Variants in ST6GALNAC3 observed in about 807,000 individuals in gnomAD.
ST6GALNAC3 encodes alpha-N-acetylgalactosaminide alpha-2,6-sialyltransferase 3.
Under a neutral mutation model 32.7 loss-of-function variants are expected in ST6GALNAC3, and 25 were observed. The ratio of observed to expected loss-of-function variants is 0.76; its 90% CI spans 0.56 to 1.07. The LOEUF is 1.07. ST6GALNAC3 is among the 50% of genes least tolerant of loss of function. ST6GALNAC3 has a pLI of 0.00. For missense variants in ST6GALNAC3, 355 were observed against 382.4 expected (o/e 0.93, Z 0.60); for synonymous variants, 129 against 133.1 (o/e 0.97, Z 0.21).
In ST6GALNAC3 at chr1:76,279,629, G is replaced by T. The variant is rs141896746; in HGVS notation, c.19-34176G>T. On this transcript the variant is annotated intron_variant, in intron 1 of 4. Transcript: ENST00000328299. ...GCAGCACTTGAGCTGGTTCAGAGCT[G>T]CAGTGCCTGGAGTCGTGTCTGCCGG... is the stretch of plus-strand genomic sequence containing the variant. Among the ~76,000 whole-genome samples the T allele has an allele frequency of 4.2e-3, 640 of 152,314 alleles. 3 individuals are homozygous for T. Among genetic ancestry groups the T allele is most frequent in the African/African-American group, 0.014 (595 of 41,578 alleles).
chr1:76,407,453 A>G (rs1653913843), intron 2 of ST6GALNAC3, among the ~76,000 whole-genome samples: 1 of 152,056 alleles, frequency 6.6e-6, no homozygotes, highest in Admixed American at 6.6e-5. Flanking sequence ...TGCTGTTACC[A>G]TAAAAGAAAA....
chr1:76,556,873 A>G (rs1664958810), intron 3 of ST6GALNAC3, among the ~76,000 whole-genome samples: 1 of 151,984 alleles, frequency 6.6e-6, no homozygotes, highest in Non-Finnish European at 1.5e-5. Flanking sequence ...TTTAATTTTG[A>G]TAAATCCAAT....
chr1:76,540,792 T>G (rs1326657296), intron 3 of ST6GALNAC3, among the ~76,000 whole-genome samples: 1 of 152,204 alleles, frequency 6.6e-6, no homozygotes, highest in Non-Finnish European at 1.5e-5. Flanking sequence ...TTTTATTCAA[T>G]ACAAATCACA....
intron 1 of ST6GALNAC3, among the ~76,000 whole-genome samples, chr1:76,111,342 A>G (rs1451388224): frequency 2.0e-5 from 3 of 152,148 alleles, no homozygotes; most frequent in Non-Finnish European, 2.9e-5. Context: ...AGAGGTTTGC[A>G]TCTCCACTGG....
chr1:76,479,956 C>T (rs998004824), intron 3 of ST6GALNAC3, among the ~76,000 whole-genome samples: 1 of 151,960 alleles, frequency 6.6e-6, no homozygotes, highest in Non-Finnish European at 1.5e-5. Flanking sequence ...AAAATATGTA[C>T]ATTTTTTAAA....
chr1:76,242,603 C>T (rs1657032370), intron 1 of ST6GALNAC3, among the ~76,000 whole-genome samples: 1 of 152,144 alleles, frequency 6.6e-6, no homozygotes, highest in Non-Finnish European at 1.5e-5. Context: ...TCTCCCTCCC[C>T]TTTCCCCTCA....
At chr1:76,253,999 C>G (rs1407489974) in intron 1 of ST6GALNAC3, among the ~76,000 whole-genome samples, 1 of 152,106 alleles carries the variant, frequency 6.6e-6, no homozygotes, top group Non-Finnish European at 1.5e-5. Context: ...TAGAAGCCCT[C>G]TGTGAATGAA....
intron 1 of ST6GALNAC3, among the ~76,000 whole-genome samples, chr1:76,220,354 AG>A (rs1655698466): frequency 6.6e-6 from 1 of 152,218 alleles, no homozygotes; most frequent in African/African-American, 2.4e-5. Context: ...CTTTGCTTAC[AG>A]TTCTTTTTTA....
intron 3 of ST6GALNAC3, among the ~76,000 whole-genome samples, chr1:76,511,536 C>T (rs1661862673): frequency 6.6e-6 from 1 of 152,198 alleles, no homozygotes; most frequent in Non-Finnish European, 1.5e-5. Context: ...TGCCTCTGTT[C>T]TCCCCGGTAG....
chr1:76,095,379 G>A (rs1387607577), intron 1 of ST6GALNAC3, among the ~76,000 whole-genome samples: 1 of 152,100 alleles, frequency 6.6e-6, no homozygotes, highest in Admixed American at 6.5e-5. Context: ...GCAACTTTAT[G>A]TATTATAGCA....
intron 1 of ST6GALNAC3, among the ~76,000 whole-genome samples, chr1:76,093,463 C>A (rs974840722): frequency 1.3e-5 from 2 of 152,194 alleles, no homozygotes; most frequent in African/African-American, 4.8e-5. Context: ...TGCCCAAGTT[C>A]CATCTCTCAG....
At chr1:76,458,106 T>G (rs1321889842) in intron 3 of ST6GALNAC3, among the ~76,000 whole-genome samples, 1 of 148,352 alleles carries the variant, frequency 6.7e-6, no homozygotes. Flanking sequence ...AAAGAAGATA[T>G]TTATGCAGCC....
chr1:76,123,378 CAAA>C (rs869281587), intron 1 of ST6GALNAC3, among the ~76,000 whole-genome samples: 3,381 of 63,366 alleles, frequency 0.053, 97 homozygotes, highest in Admixed American at 0.15. Flanking sequence ...GGCTCCATCT[CAAA>C]AAAAAAAAAA....
At chr1:76,303,983 C>T (rs1035738261) in intron 1 of ST6GALNAC3, among the ~76,000 whole-genome samples, 12 of 147,872 alleles carry the variant, frequency 8.1e-5, no homozygotes, top group African/African-American at 2.8e-4. Context: ...TTCCCCACCA[C>T]ATTCACCTCA....
intron 1 of ST6GALNAC3, among the ~76,000 whole-genome samples, chr1:76,298,694 GT>G (rs1660554004): frequency 6.6e-6 from 1 of 151,972 alleles, no homozygotes; most frequent in Non-Finnish European, 1.5e-5. Context: ...AGTCCCTAAC[GT>G]ATTTTGATTT....
intron 2 of ST6GALNAC3, among the ~76,000 whole-genome samples, chr1:76,368,614 AAC>A (rs1650574255): frequency 6.6e-6 from 1 of 152,078 alleles, no homozygotes; most frequent in African/African-American, 2.4e-5. Flanking sequence ...CCTGGCACCT[AAC>A]ACACAATGCC....
At chr1:76,621,674 G>A (rs973961141) in intron 3 of ST6GALNAC3, among the ~76,000 whole-genome samples, 4 of 151,984 alleles carry the variant, frequency 2.6e-5, no homozygotes, top group African/African-American at 9.7e-5. Context: ...TGAATCCCAA[G>A]GTGCTACTGA....
intron 3 of ST6GALNAC3, among the ~76,000 whole-genome samples, chr1:76,479,558 G>A (rs554291171): frequency 3.3e-5 from 5 of 152,174 alleles, no homozygotes; most frequent in South Asian, 4.1e-4. Flanking sequence ...GCCATCAAAC[G>A]GAGTAGAGAG....
intron 3 of ST6GALNAC3, among the ~76,000 whole-genome samples, chr1:76,528,141 A>G (rs1040822602): frequency 1.3e-5 from 2 of 152,174 alleles, no homozygotes; most frequent in African/African-American, 4.8e-5. Context: ...TAGCCTCAAT[A>G]TCATGCCTTA....
Sources: gnomAD v4.1 joint callset for allele counts (sites outside exome capture counted in the v4.1 genomes callset) on GRCh38, gnomAD v4.1.1 for gene constraint, MANE v1.5 for transcripts, NCBI Gene and HGNC (gene_info 2026-07-23, HGNC 2026-07-21) for gene names.